Variants in PEDS1 observed in about 807,000 individuals in gnomAD.
The protein encoded by PEDS1 is CarF homolog.
PEDS1 carries 14 observed loss-of-function variants against 35.2 expected under a neutral mutation model. The observed-to-expected ratio is 0.40, with a 90% CI of 0.26 to 0.62. The LOEUF (loss-of-function observed/expected upper bound fraction) is 0.62, where lower values mean the gene tolerates loss of function less well. Among genes scored for constraint, PEDS1 ranks in the 20% least tolerant of loss-of-function variants. The pLI is 0.44. For synonymous variants in PEDS1, 152 were observed against 152.0 expected, an observed-to-expected ratio of 1.00 and a Z score of 0.00; for missense variants, 260 against 367.8, an observed-to-expected ratio of 0.71 and a Z score of 2.40.
At position 50,124,855 on chromosome 20, in the gene PEDS1, G is replaced by C; in HGVS notation, c.*203C>G. 1 of 610,656 alleles carries C rather than the reference G, an allele frequency of 1.6e-6. No individual in the cohort carries two copies. Among genetic ancestry groups the C allele is most frequent in the Non-Finnish European group, 2.7e-6 (1 of 370,158 alleles). The allele number at this position is 610,656 out of a possible 1,614,324, so 37.8% of individuals were successfully genotyped here. A position where few individuals can be genotyped will look rare whatever the true frequency, so the allele number is the denominator to read the frequency against. On this transcript the variant is annotated 3_prime_UTR_variant, in exon 6 of 6. Coordinates refer to ENST00000371652, the MANE Select transcript of PEDS1 (RefSeq NM_199129.4). ...AGAGCAACTCAGGTGGCTGAGGAGG[G>C]GCCGAGGAAAAAAAAAAAAAAGAAA... is the stretch of plus-strand genomic sequence containing the variant.
At chr20:50,145,509 A>G (rs2081336376) in intron 1 of PEDS1, among the ~76,000 whole-genome samples, 1 of 152,204 alleles carries the variant, frequency 6.6e-6, no homozygotes, top group Admixed American at 6.5e-5. Context: ...AGCCAGGCCA[A>G]CGTGGCGAAA....
rs2081316565 is a variant in PEDS1, at chr20:50,143,548, C to T, written c.195G>A (p.Leu65=). ...SLIAHNLVHL[L]LLARWEDTPL... ...GTGTGTCCTCCCAGCGGGCCAGCAG[C>T]AGGAGATGGACCAGGTTGTGGGCGA... The change falls in exon 2 of 6, where the codon CTG becomes CTA. Residue 65 remains leucine, a synonymous_variant. Coordinates refer to ENST00000371652, the MANE Select transcript of PEDS1 (RefSeq NM_199129.4). 9 of 1,613,636 alleles carry T rather than the reference C, an allele frequency of 5.6e-6. No homozygotes were observed. The highest frequency in any genetic ancestry group is 7.6e-6 in the Non-Finnish European group (9 of 1,179,902).
Position 50,128,143 on chromosome 20 carries a change from G to A in PEDS1, c.523C>T (p.Leu175=), listed in dbSNP as rs200277814. The change falls in exon 5 of 6, where the codon CTG becomes TTG. Residue 175 remains leucine, a synonymous_variant. Transcript: ENST00000371652. This position sits in a 1 kb window ranked among gnomAD's most constrained non-coding sequence, Gnocchi z 5.2. ...TTGGTGAAGGTGCCGAAGATGATCA[G>A]GCAGAAGACGAAGCACTCCCAGGGG... is the stretch of plus-strand genomic sequence containing the variant. ...LYPWECFVFC[L]IIFGTFTNQI... 70 of 1,614,154 alleles carry A rather than the reference G, an allele frequency of 4.3e-5. No individual in the cohort carries two copies. The highest frequency in any genetic ancestry group is 2.7e-5 in the African/African-American group (2 of 75,040).
chr20:50,153,479 G>A, intron 1 of PEDS1, 38 bp downstream of exon 1: 1 of 1,308,756 alleles, frequency 7.6e-7, no homozygotes, highest in Admixed American at 3.8e-5. Flanking sequence ...AGCCGGGGCT[G>A]GTGACCGCAG....
At chr20:50,136,398 C>G (rs115242640) in intron 2 of PEDS1, among the ~76,000 whole-genome samples, 389 of 152,232 alleles carry the variant, frequency 2.6e-3, no homozygotes, top group African/African-American at 8.8e-3. Context: ...GGGCTGTGTA[C>G]AGAGACCTCC....
chr20:50,145,827 A>G (rs1568655942), intron 1 of PEDS1, among the ~76,000 whole-genome samples: 1 of 152,208 alleles, frequency 6.6e-6, no homozygotes, highest in Non-Finnish European at 1.5e-5. Context: ...GGGTGTTTAA[A>G]ATATACTGAG....
chr20:50,131,166 T>TG, intron 2 of PEDS1: 1 of 1,073,834 alleles, frequency 9.3e-7, no homozygotes, highest in South Asian at 1.4e-5. Context: ...CTCATGTGCT[T>TG]GGAGAGTCTG....
chr20:50,142,226 T>TTTA (rs2081297890), intron 2 of PEDS1, among the ~76,000 whole-genome samples: 1 of 152,210 alleles, frequency 6.6e-6, no homozygotes. Flanking sequence ...AGCTCTCTCA[T>TTTA]TTATTCATTC....
intron 2 of PEDS1, 115 bp from the exon 3 acceptor site, chr20:50,131,062 TTC>T: frequency 6.4e-7 from 1 of 1,574,386 alleles, no homozygotes; most frequent in East Asian, 2.3e-5. Context: ...GTGTCCCTTC[TTC>T]TCTAGTTGGG....
At chr20:50,153,125 T>C (rs920760548) in intron 1 of PEDS1, among the ~76,000 whole-genome samples, 3 of 151,460 alleles carry the variant, frequency 2.0e-5, no homozygotes, top group African/African-American at 7.3e-5. Flanking sequence ...AGGGCAGTGC[T>C]TACAGCTGAA....
rs2081033427 is a variant in PEDS1, at chr20:50,119,438, A to C, written c.*5620T>G. 1 of 148,408 alleles carries C rather than the reference A, an allele frequency of 6.7e-6. No homozygotes were observed. Among genetic ancestry groups the C allele is most frequent in the Non-Finnish European group, 1.5e-5 (1 of 67,566 alleles). The allele number at this position is 148,408 out of a possible 1,614,324, so 9.2% of individuals were successfully genotyped here. A position where few individuals can be genotyped will look rare whatever the true frequency, so the allele number is the denominator to read the frequency against. ...GTAATAGAGCAAGACTTTGTCTCAAAAAAAAAAAAAAAAAAAAGTCAAGTC... is the reference window on the plus strand; with the variant it reads ...GTAATAGAGCAAGACTTTGTCTCAACAAAAAAAAAAAAAAAAAGTCAAGTC... On this transcript the variant is annotated 3_prime_UTR_variant, in exon 6 of 6. Coordinates refer to ENST00000371652, the MANE Select transcript of PEDS1 (RefSeq NM_199129.4).
intron 1 of PEDS1, chr20:50,151,146 G>T: frequency 1.1e-6 from 1 of 892,812 alleles, no homozygotes; most frequent in Non-Finnish European, 1.6e-6. Flanking sequence ...ACAGTGAGCA[G>T]ATAGAAGCAG....
At chr20:50,133,269 A>G (rs1180393132) in intron 2 of PEDS1, among the ~76,000 whole-genome samples, 1 of 151,142 alleles carries the variant, frequency 6.6e-6, no homozygotes, top group African/African-American at 2.4e-5. Flanking sequence ...TGTGGTATCC[A>G]TCACAGGTGC....
In PEDS1 at chr20:50,129,568, G is replaced by A. The variant is rs2081151779; in HGVS notation, c.456C>T (p.Tyr152=). 1.2e-6 allele frequency: 2 copies of A among 1,614,144 alleles called. 1 individual carries two copies. The change falls in exon 4 of 6, where the codon TAC becomes TAT. Residue 152 remains tyrosine (Y), a synonymous_variant. Transcript: ENST00000371652. This position sits in a 1 kb window ranked among gnomAD's most constrained non-coding sequence, Gnocchi z 4.2. ...VTLLPLLNMA[Y]KFRTHSPEAL... The stretch of plus-strand genomic sequence containing the variant: ...CACCAGGGCTGTGGGTGCGGAACTT[G>A]TAGGCCATGTTTAGCAGCGGCAGCA...
intron 1 of PEDS1, 114 bp downstream of exon 1, chr20:50,153,403 G>C (rs1222496407): frequency 8.1e-7 from 1 of 1,228,676 alleles, no homozygotes; most frequent in Admixed American, 4.3e-5. Flanking sequence ...TTGCAAGTTA[G>C]ACACCCGGGC....
rs966442581 is a variant in PEDS1, at chr20:50,153,378, C to G, written c.121+139G>C. The G allele has an allele frequency of 8.3e-6, 10 of 1,212,038 alleles. No homozygotes were observed. In the African/African-American group the frequency reaches 1.6e-4, roughly 19 times the overall value. 75.1% of individuals were successfully genotyped at this position (1,212,038 alleles called of 1,614,324 possible). A position where few individuals can be genotyped will look rare whatever the true frequency, so the allele number is the denominator to read the frequency against. On this transcript the variant is annotated intron_variant, in intron 1 of 5. Transcript: ENST00000371652. ...TTCGGAAGGGACACTGGGGTGGGGT[C>G]CCCGAACTTGCTATTTGCAAGTTAG...
intron 2 of PEDS1, 58 bp from the exon 3 acceptor site, chr20:50,131,005 C>CA (rs769988528): frequency 6.2e-7 from 1 of 1,613,772 alleles, no homozygotes. Flanking sequence ...CAGAATCACT[C>CA]ATTCATTTAC....
intron 1 of PEDS1, among the ~76,000 whole-genome samples, chr20:50,150,523 G>A (rs1344248418): frequency 6.6e-6 from 1 of 152,070 alleles, no homozygotes; most frequent in Admixed American, 6.6e-5. Context: ...CACCTGCTCA[G>A]GGAAGCCTTC....
intron 2 of PEDS1, among the ~76,000 whole-genome samples, chr20:50,141,442 C>A (rs1159147692): frequency 6.6e-6 from 1 of 152,226 alleles, no homozygotes; most frequent in Non-Finnish European, 1.5e-5. Context: ...CCTCCCCGCC[C>A]CTGCTTAGTC....
Sources: gnomAD v4.1 joint callset for allele counts (sites outside exome capture counted in the v4.1 genomes callset) on GRCh38, gnomAD v4.1.1 for gene constraint, Gnocchi (gnomAD v3.1) non-coding constraint, MANE v1.5 for transcripts, NCBI Gene and HGNC (gene_info 2026-07-23, HGNC 2026-07-21) for gene names.